MCFD2: variants seen among roughly 807,000 people sequenced by gnomAD.
MCFD2 encodes the protein multiple coagulation factor deficiency protein 2.
Under a neutral mutation model 12.8 loss-of-function variants are expected in MCFD2, and 11 were observed. The observed-to-expected ratio is 0.86, with a 90% confidence interval of 0.54 to 1.42. MCFD2 has a LOEUF of 1.42. Ranked by LOEUF, MCFD2 falls within the 40% of genes most tolerant of loss-of-function variation. The pLI, the probability that MCFD2 is intolerant of heterozygous loss-of-function variation, is 0.00. For missense variants in MCFD2, 191 were observed against 178.6 expected (o/e 1.07, Z -0.40); for synonymous variants, 70 against 68.1 (o/e 1.03, Z -0.14).
intron 1 of MCFD2, among the ~76,000 whole-genome samples, chr2:46,934,076 A>G (rs1338931240): frequency 6.6e-6 from 1 of 152,222 alleles, no homozygotes; most frequent in Non-Finnish European, 1.5e-5. Context: ...GAATGTCATA[A>G]TAATCATCCA....
rs137964402 is a variant in MCFD2 at position 46,907,902 on chromosome 2, G to A, written c.217C>T (p.Gln73Ter). 1 of 1,614,212 alleles carries A rather than the reference G, an allele frequency of 6.2e-7. No homozygotes were observed. Among genetic ancestry groups the A allele is most frequent in the African/African-American group, 1.3e-5 (1 of 75,056 alleles). Residue 73 changes from glutamine (Q) to a stop codon, truncating the protein, a stop_gained, in exon 3 of 4, where the codon CAG (glutamine) becomes TAG (stop). Coordinates refer to ENST00000319466, the MANE Select transcript of MCFD2 (RefSeq NM_139279.6). LOFTEE classifies it high-confidence loss of function. This position sits in a 1 kb window ranked among gnomAD's most constrained non-coding sequence, Gnocchi z 4.1. Reference sequence around the variant, plus strand: ...TCATGCATTTTGAAGTAATGGAGCTGCAATTCTTGTGGCGACATCTCCGCC... The same window carrying A: ...TCATGCATTTTGAAGTAATGGAGCTACAATTCTTGTGGCGACATCTCCGCC... Reference protein sequence around the residue: ...PEAEMSPQELQLHYFKMHDYD... With the variant: ...PEAEMSPQEL
chr2:46,939,938 G>C (rs1670197232), intron 1 of MCFD2, among the ~76,000 whole-genome samples: 1 of 152,130 alleles, frequency 6.6e-6, no homozygotes, highest in Non-Finnish European at 1.5e-5. Context: ...GCCTCTGGGG[G>C]TTCAGAACAG....
intron 1 of MCFD2, among the ~76,000 whole-genome samples, chr2:46,935,788 A>G (rs1038623142): frequency 3.7e-4 from 56 of 152,160 alleles, no homozygotes; most frequent in African/African-American, 1.2e-3. Context: ...CCAAGCTCCA[A>G]TTTCTTTTTT....
intron 1 of MCFD2, among the ~76,000 whole-genome samples, chr2:46,938,984 C>T (rs1396294543): frequency 6.7e-6 from 1 of 148,308 alleles, no homozygotes; most frequent in African/African-American, 2.5e-5. Context: ...GCATTCCAGC[C>T]TGGGCAACAG....
At chr2:46,927,233 A>G (rs1669432563) in intron 1 of MCFD2, among the ~76,000 whole-genome samples, 1 of 152,164 alleles carries the variant, frequency 6.6e-6, no homozygotes, top group Non-Finnish European at 1.5e-5. Context: ...TTACAAGATC[A>G]GGATCAAAAA....
chr2:46,930,618 G>A (rs1434433941), intron 1 of MCFD2, among the ~76,000 whole-genome samples: 1 of 151,254 alleles, frequency 6.6e-6, no homozygotes, highest in Non-Finnish European at 1.5e-5. Flanking sequence ...TCCTGCCTCA[G>A]CCTCCCAAGT....
At chr2:46,930,342 C>G (rs902063086) in intron 1 of MCFD2, among the ~76,000 whole-genome samples, 3 of 150,304 alleles carry the variant, frequency 2.0e-5, no homozygotes, top group African/African-American at 7.4e-5. Flanking sequence ...ATTCAAATAG[C>G]ACTATAAATT....
upstream of MCFD2, among the ~76,000 whole-genome samples, chr2:46,919,215 A>G (rs1000283304): frequency 6.6e-6 from 1 of 152,258 alleles, no homozygotes; most frequent in African/African-American, 2.4e-5. Context: ...AAATAAATAG[A>G]AAAATATTGA....
chr2:46,907,447 T>G lies in MCFD2; in HGVS notation c.309+363A>C, dbSNP rs1008691814. 2.5e-5 allele frequency: 7 copies of G among 283,568 alleles called. No homozygotes were observed. In the Admixed American group the frequency reaches 3.3e-4, roughly 13 times the overall value. 17.6% of individuals were successfully genotyped at this position (283,568 alleles called of 1,614,324 possible). A position where few individuals can be genotyped will look rare whatever the true frequency, so the allele number is the denominator to read the frequency against. ...TTGCCCAGGCTGAAGTGCGGTGGCA[T>G]GATTATGGCTCACTATAGCCTCGAC... On this transcript the variant is annotated intron_variant, in intron 3 of 3. Coordinates refer to ENST00000319466, the MANE Select transcript of MCFD2 (RefSeq NM_139279.6). This position sits in a 1 kb window ranked among gnomAD's most constrained non-coding sequence, Gnocchi z 4.1.
chr2:46,909,218 G>T (rs1290797642), intron 1 of MCFD2, 41 bp from the exon 2 acceptor site: 1 of 1,594,290 alleles, frequency 6.3e-7, no homozygotes, highest in East Asian at 2.3e-5. Flanking sequence ...CAGAGCATCA[G>T]AGCAAAGGTT....
rs767456045 is a variant in MCFD2, at chr2:46,909,064, G to C, written c.108C>G (p.Pro36=). 98 of 1,614,094 alleles carry C rather than the reference G, an allele frequency of 6.1e-5. No homozygotes were observed. The highest frequency in any genetic ancestry group is 6.7e-5 in the Non-Finnish European group (79 of 1,180,050). The change falls in exon 2 of 4, where the codon CCC becomes CCG. Residue 36 remains proline, a synonymous_variant. Transcript: ENST00000319466. The part of the protein sequence containing the change: ...AEEPAASFSQ[P]GSMGLDKNTV... ...TGTTCTTATCCAGGCCCATGCTGCC[G>C]GGTTGGGAGAAGCTGGCTGCAGGCT...
At chr2:46,906,029 A>G (rs908124873) in intron 3 of MCFD2, 5 of 471,040 alleles carry the variant, frequency 1.1e-5, no homozygotes, top group Admixed American at 4.7e-5. Context: ...GTTGGCATCA[A>G]AACAAGAGGA....
chr2:46,923,132 A>G (rs943618815), intron 1 of MCFD2, among the ~76,000 whole-genome samples: 4 of 152,182 alleles, frequency 2.6e-5, no homozygotes, highest in Admixed American at 2.0e-4. Context: ...CTTCTCATTC[A>G]TCTTCCTGTC....
intron 1 of MCFD2, among the ~76,000 whole-genome samples, chr2:46,914,655 TCA>T (rs1431440713): frequency 3.3e-5 from 5 of 152,088 alleles, no homozygotes; most frequent in African/African-American, 7.2e-5. Context: ...CAAACTCCTC[TCA>T]CACAGATTAC....
intron 1 of MCFD2, among the ~76,000 whole-genome samples, chr2:46,930,226 T>C (rs1669620272): frequency 6.6e-6 from 1 of 152,152 alleles, no homozygotes; most frequent in South Asian, 2.1e-4. Flanking sequence ...CAAAAACTGG[T>C]TCTTTTTTCA....
intron 1 of MCFD2, among the ~76,000 whole-genome samples, chr2:46,936,517 G>T (rs1040502253): frequency 6.6e-6 from 1 of 152,122 alleles, no homozygotes; most frequent in East Asian, 1.9e-4. Flanking sequence ...TAGCTATGAG[G>T]CTGGGGGGTC....
Position 46,908,144 on chromosome 2 carries a change from C to T in MCFD2, c.150-175G>A. ...GAGATAGACAAGGCCTTGAGAGGAG[C>T]AGGAAAAGTCAAATAGACCATCTGT... On this transcript the variant is annotated intron_variant, in intron 2 of 3. Transcript: ENST00000319466. This position sits in a 1 kb window ranked among gnomAD's most constrained non-coding sequence, Gnocchi z 4.5. 1.4e-6 allele frequency: 1 copy of T among 693,612 alleles called. No homozygotes were observed. Among genetic ancestry groups the T allele is most frequent in the Non-Finnish European group, 2.5e-6 (1 of 392,764 alleles). The allele number at this position is 693,612 out of a possible 1,614,324, so 43.0% of individuals were successfully genotyped here. A position where few individuals can be genotyped will look rare whatever the true frequency, so the allele number is the denominator to read the frequency against.
chr2:46,941,238 AGCGGCGGCG>A lies in MCFD2; in HGVS notation c.-8+325_-8+333del, dbSNP rs998042740. ...GGGCGGAGGCTGTGGCAGCAGCTGCAGCGGCGGCGGCGGCGGCAGCGCCAGGAGCTGCTA... is the reference window on the plus strand; with the variant it reads ...GGGCGGAGGCTGTGGCAGCAGCTGCAGCGGCGGCAGCGCCAGGAGCTGCTA... On this transcript the variant is annotated intron_variant, in intron 1 of 2. Coordinates refer to the MCFD2 transcript ENST00000409147. This position sits in a 1 kb window ranked among gnomAD's most constrained non-coding sequence, Gnocchi z 4.2. The A allele has an allele frequency of 7.9e-4, 116 of 147,648 alleles. No homozygotes were observed. The highest frequency in any genetic ancestry group is 6.7e-3 in the Middle Eastern group (2 of 300). 9.1% of individuals were successfully genotyped at this position (147,648 alleles called of 1,614,324 possible). A position where few individuals can be genotyped will look rare whatever the true frequency, so the allele number is the denominator to read the frequency against.
intron 1 of MCFD2, among the ~76,000 whole-genome samples, chr2:46,924,021 C>T (rs1669254866): frequency 6.6e-6 from 1 of 151,918 alleles, no homozygotes; most frequent in Admixed American, 6.6e-5. Context: ...CAGGTGTGAG[C>T]CACTGTGCCC....
Sources: allele counts gnomAD v4.1 joint callset (sites outside exome capture counted in the v4.1 genomes callset), GRCh38; gene constraint gnomAD v4.1.1; non-coding constraint Gnocchi (gnomAD v3.1); transcripts MANE v1.5; gene names NCBI Gene and HGNC (gene_info 2026-07-23, HGNC 2026-07-21).